Variants in ADGRE3 observed in about 807,000 individuals in gnomAD.
ADGRE3 encodes the protein EGF-like module receptor 3.
A neutral mutation model predicts 80.1 loss-of-function variants in ADGRE3; 88 were observed. The observed-to-expected ratio is 1.10, with a 90% confidence interval of 0.93 to 1.31. The LOEUF (loss-of-function observed/expected upper bound fraction) is 1.31. ADGRE3 is among the 40% of genes most tolerant of loss of function. The pLI is 0.00. For missense variants in ADGRE3, 715 were observed against 776.5 expected, an observed-to-expected ratio of 0.92 and a Z score of 0.94; for synonymous variants, 281 against 294.8, an observed-to-expected ratio of 0.95 and a Z score of 0.48.
intron 2 of ADGRE3, 136 bp downstream of exon 2, chr19:14,668,666 T>C (rs766016372): frequency 1.2e-5 from 7 of 606,150 alleles, no homozygotes; most frequent in Admixed American, 3.1e-5. Context: ...AGCAAACAAA[T>C]AATGAAACAC....
In ADGRE3 at chr19:14,674,775, G is replaced by A. The variant is rs1287336925; in HGVS notation, c.-5C>T. ...AAGAAGCAATGGTCCCTGCATTTCTGTGGTACGGGTATCCCACGCCAGCCA... is the reference window on the plus strand; with the variant it reads ...AAGAAGCAATGGTCCCTGCATTTCTATGGTACGGGTATCCCACGCCAGCCA... On this transcript the variant is annotated 5_prime_UTR_variant, in exon 1 of 16. Coordinates refer to ENST00000253673, the MANE Select transcript of ADGRE3 (RefSeq NM_032571.5). The A allele has an allele frequency of 6.2e-7, 1 of 1,613,912 alleles. No individual in the cohort carries two copies.
In ADGRE3 at chr19:14,633,435, G is replaced by A. The variant is rs527720619; in HGVS notation, c.1485-133C>T. 2.2e-3 allele frequency: 1,356 copies of A among 609,184 alleles called. 1 individual carries two copies. The highest frequency in any genetic ancestry group is 3.1e-3 in the Non-Finnish European group (1,109 of 361,726). 37.7% of individuals were successfully genotyped at this position (609,184 alleles called of 1,614,324 possible). A position where few individuals can be genotyped will look rare whatever the true frequency, so the allele number is the denominator to read the frequency against. On this transcript the variant is annotated intron_variant, in intron 11 of 15. Transcript: ENST00000253673. ...AGTCAGCTGATGACAGGCCAGGCACGGTGGCTCACGCCTGTAATCCCAGCA... is the reference window on the plus strand; with the variant it reads ...AGTCAGCTGATGACAGGCCAGGCACAGTGGCTCACGCCTGTAATCCCAGCA...
chr19:14,600,811 G>T, the ADGRE3 span, among the ~76,000 whole-genome samples: 1 of 147,798 alleles, frequency 6.8e-6, no homozygotes, highest in East Asian at 2.1e-4. Context: ...GGATGGTCTT[G>T]ATCTCCTGAC....
intron 5 of ADGRE3, among the ~76,000 whole-genome samples, chr19:14,656,430 C>T (rs1375759029): frequency 4.0e-5 from 6 of 151,254 alleles, no homozygotes; most frequent in Admixed American, 2.0e-4. Context: ...GAGGGATGCC[C>T]GAAAGAAAGC....
chr19:14,628,605 T>TAA lies in ADGRE3; in HGVS notation c.1812+1433_1812+1434insTT, dbSNP rs1970794434. The TAA allele has an allele frequency of 1.7e-5, 4 of 239,530 alleles. No homozygotes were observed. In the East Asian group the frequency reaches 4.4e-4, roughly 26 times the overall value. The allele number at this position is 239,530 out of a possible 1,614,324, so 14.8% of individuals were successfully genotyped here. ...TCACTGTGCCTGGCCCCAGTTTCTC[T>TAA]TTAACGAGGCAGTTAACCTGCAGTA... is the stretch of plus-strand genomic sequence containing the variant. On this transcript the variant is annotated intron_variant, in intron 14 of 15. Transcript: ENST00000253673.
chr19:14,612,493 C>A, the ADGRE3 span, among the ~76,000 whole-genome samples: 3 of 152,060 alleles, frequency 2.0e-5, no homozygotes, highest in Non-Finnish European at 4.4e-5. Context: ...CACCACCGTG[C>A]CTGGTTAATT....
rs1261266823 is a variant in ADGRE3, at chr19:14,665,941, T to TATATGC, written c.77-2402_77-2401insGCATAT. Among the ~76,000 whole-genome samples the TATATGC allele has an allele frequency of 4.2e-4, 40 of 94,256 alleles. 3 individuals carry two copies. The highest frequency in any genetic ancestry group is 1.7e-3 in the African/African-American group (39 of 23,622). 61.8% of individuals were successfully genotyped at this position (94,256 alleles called of 152,430 possible). ...TTGCATATACACACATATGTGTATA[T>TATATGC]ATATATATATATATATATATATATA... On this transcript the variant is annotated intron_variant, in intron 2 of 15. Coordinates refer to ENST00000253673, the MANE Select transcript of ADGRE3 (RefSeq NM_032571.5).
chr19:14,641,845 T>A (rs977272253), intron 9 of ADGRE3, among the ~76,000 whole-genome samples: 1 of 152,248 alleles, frequency 6.6e-6, no homozygotes, highest in Non-Finnish European at 1.5e-5. Flanking sequence ...TACAGACTGC[T>A]AATGTGATTG....
At chr19:14,674,073 A>T (rs527505564) in intron 1 of ADGRE3, among the ~76,000 whole-genome samples, 1 of 152,286 alleles carries the variant, frequency 6.6e-6, no homozygotes, top group South Asian at 2.1e-4. Context: ...TCACAGGAAA[A>T]TGATAAAGGA....
rs1195023688 is a variant in ADGRE3, at chr19:14,647,321, T to C, written c.742A>G (p.Ile248Val). 5 of 1,612,580 alleles carry C rather than the reference T, an allele frequency of 3.1e-6. No individual in the cohort carries two copies. The highest frequency in any genetic ancestry group is 4.2e-6 in the Non-Finnish European group (5 of 1,178,746). Residue 248 changes from isoleucine to valine, a missense_variant, in exon 8 of 16, where the codon ATC becomes GTC. Coordinates refer to ENST00000253673, the MANE Select transcript of ADGRE3 (RefSeq NM_032571.5). ...TCTTCAAAAAAAGTTGCATTTATGATGTTTCCAAGAGAAGAATATGAGATA... is the reference window on the plus strand; with the variant it reads ...TCTTCAAAAAAAGTTGCATTTATGACGTTTCCAAGAGAAGAATATGAGATA... The part of the protein sequence containing the change: ...AFISYSSLGN[I>V]INATFFEEMD...
chr19:14,642,992 T>C (rs1971294053), intron 9 of ADGRE3, among the ~76,000 whole-genome samples: 1 of 152,182 alleles, frequency 6.6e-6, no homozygotes, highest in Non-Finnish European at 1.5e-5. Flanking sequence ...TTCAGCTCTT[T>C]GAGAAAGTGA....
Position 14,641,554 on chromosome 19 carries a change from G to A in ADGRE3, c.1113C>T (p.Leu371=), listed in dbSNP as rs145693240. 6 of 1,614,076 alleles carry A rather than the reference G, an allele frequency of 3.7e-6. No homozygotes were observed. In the African/African-American group the frequency reaches 6.7e-5, roughly 18 times the overall value. ...YVGLSVSLLC[L]LLAALTFLLC... The stretch of plus-strand genomic sequence containing the variant: ...GGAGAAAAGTGAGGGCCGCCAGGAG[G>A]AGGCACAGCAGAGAGACGCTCAGCC... Residue 371 remains leucine (L), a synonymous_variant, in exon 10 of 16, where the codon CTC becomes CTT. Transcript: ENST00000253673.
At position 14,630,192 on chromosome 19, in the gene ADGRE3, T is replaced by C; in HGVS notation, c.1659A>G (p.Lys553=). ...CCAGGATGAAGAGCTGAGCTGTTGC[T>C]TTGAAAGCCAGCATCCTGGGAGGAG... ...TIQNTRMLAF[K]ATAQLFILGC... is the part of the protein sequence containing the mutation. Residue 553 remains lysine, a synonymous_variant, in exon 14 of 16, where the codon AAA becomes AAG. Transcript: ENST00000253673. 6.2e-7 allele frequency: 1 copy of C among 1,601,550 alleles called. No individual in the cohort carries two copies. Among genetic ancestry groups the C allele is most frequent in the Non-Finnish European group, 8.5e-7 (1 of 1,173,506 alleles).
chr19:14,616,490 G>A (rs182167766), downstream of ADGRE3, among the ~76,000 whole-genome samples: 276 of 151,948 alleles, frequency 1.8e-3, no homozygotes, highest in African/African-American at 6.3e-3. Context: ...ACTAAACCTG[G>A]GAAAGTCCCG....
At chr19:14,670,522 C>T (rs1972227379) in intron 1 of ADGRE3, among the ~76,000 whole-genome samples, 1 of 152,216 alleles carries the variant, frequency 6.6e-6, no homozygotes, top group Admixed American at 6.5e-5. Context: ...ATTATTTCCA[C>T]CTTTTTGGAA....
intron 7 of ADGRE3, among the ~76,000 whole-genome samples, chr19:14,650,644 TCTCTCTCTCTCTC>T: frequency 5.3e-5 from 1 of 18,828 alleles, no homozygotes; most frequent in African/African-American, 2.8e-4. Context: ...TCTCTCTCTC[TCTCTCTCTCTCTC>T]TCTCTCTCTC....
chr19:14,665,936 G>GTATATATATGTATATA (rs71166783), intron 2 of ADGRE3, among the ~76,000 whole-genome samples: 13 of 42,104 alleles, frequency 3.1e-4, no homozygotes, highest in African/African-American at 1.5e-3. Flanking sequence ...ACACATATGT[G>GTATATATATGTATATA]TATATATATA....
At chr19:14,651,263 A>G in intron 6 of ADGRE3, 59 bp from the exon 7 acceptor site, 1 of 1,591,866 alleles carries the variant, frequency 6.3e-7, no homozygotes, top group Middle Eastern at 1.7e-4. Context: ...AAAAATATGC[A>G]TAGGAACAGG....
chr19:14,657,729 A>G (rs1300085558), intron 5 of ADGRE3, among the ~76,000 whole-genome samples: 1 of 67,442 alleles, frequency 1.5e-5, no homozygotes, highest in Non-Finnish European at 2.8e-5. Context: ...GCCTATATAT[A>G]CATATATATA....
Sources: gnomAD v4.1 joint callset for allele counts (sites outside exome capture counted in the v4.1 genomes callset) on GRCh38, gnomAD v4.1.1 for gene constraint, MANE v1.5 for transcripts, NCBI Gene and HGNC (gene_info 2026-07-23, HGNC 2026-07-21) for gene names.